Variants in PLXDC2 observed in about 807,000 individuals in gnomAD.
The protein encoded by PLXDC2 is plexin domain containing 2, also known as plexin domain-containing protein 2.
In PLXDC2, 40 loss-of-function variants were observed where a neutral mutation model predicts 68.9. The observed-to-expected ratio is 0.58, with a 90% CI of 0.45 to 0.76. The LOEUF (loss-of-function observed/expected upper bound fraction) is 0.76, where lower values mean the gene tolerates loss of function less well. Among genes scored for constraint, PLXDC2 ranks in the 30% least tolerant of loss-of-function variants. The pLI is 0.00. For missense variants in PLXDC2, 644 were observed against 661.9 expected (o/e 0.97, Z 0.30); for synonymous variants, 243 against 234.2 (o/e 1.04, Z -0.34).
chr10:19,889,867 A>G (rs1336193367), intron 1 of PLXDC2, among the ~76,000 whole-genome samples: 1 of 151,894 alleles, frequency 6.6e-6, no homozygotes, highest in Non-Finnish European at 1.5e-5. Flanking sequence ...CTTTCTCTGA[A>G]TTTTCTCACT....
At position 20,012,303 on chromosome 10, in the gene PLXDC2, C is replaced by CTCTTTTT. The variant is rs1835129350; in HGVS notation, c.324+10318_324+10319insCTTTTTT. On this transcript the variant is annotated intron_variant, in intron 2 of 13. Transcript: ENST00000377252. ...GATAAGAGTCTCTCTCTCTCTCTCT[C>CTCTTTTT]TTTTTTATTTTTTTTTTTTTTTTTT... Among the ~76,000 whole-genome samples, 91 of 65,578 alleles carry CTCTTTTT rather than the reference C, an allele frequency of 1.4e-3. 3 individuals carry two copies. The highest frequency in any genetic ancestry group is 6.5e-3 in the African/African-American group (85 of 13,150). The allele number at this position is 65,578 out of a possible 152,430, so 43.0% of individuals were successfully genotyped here. A position where few individuals can be genotyped will look rare whatever the true frequency, so the allele number is the denominator to read the frequency against.
Position 20,245,203 on chromosome 10 carries a change from T to A in PLXDC2, c.1313-142T>A. On this transcript the variant is annotated intron_variant, in intron 12 of 13. Coordinates refer to ENST00000377252, the MANE Select transcript of PLXDC2 (RefSeq NM_032812.9). The stretch of plus-strand genomic sequence containing the variant: ...TTGCCCATATGAAGAGCACGTCACC[T>A]GTAAAATTGATGTTGCAGAAAAGTT... The A allele has an allele frequency of 5.3e-6, 4 of 754,202 alleles. No homozygotes were observed. The South Asian group carries it at 8.7e-5, about 16-fold the overall frequency. 46.7% of individuals were successfully genotyped at this position (754,202 alleles called of 1,614,324 possible).
chr10:20,241,742 G>A (rs1237073111), intron 12 of PLXDC2, among the ~76,000 whole-genome samples: 1 of 152,092 alleles, frequency 6.6e-6, no homozygotes, highest in Non-Finnish European at 1.5e-5. Flanking sequence ...TCACACCACA[G>A]CACTCCAGCC....
At chr10:20,167,066 C>G (rs973809889) in intron 7 of PLXDC2, among the ~76,000 whole-genome samples, 2 of 152,020 alleles carry the variant, frequency 1.3e-5, no homozygotes, top group Non-Finnish European at 2.9e-5. Context: ...TTCTGTTAAC[C>G]TTACTGTTCC....
intron 1 of PLXDC2, among the ~76,000 whole-genome samples, chr10:19,875,341 T>C (rs930756069): frequency 6.6e-6 from 1 of 152,222 alleles, no homozygotes; most frequent in East Asian, 1.9e-4. Context: ...CTGAAGGTTG[T>C]AATGAGCATC....
At chr10:19,857,786 G>A (rs538490749) in intron 1 of PLXDC2, among the ~76,000 whole-genome samples, 1 of 152,180 alleles carries the variant, frequency 6.6e-6, no homozygotes, top group South Asian at 2.1e-4. Context: ...ATTTGTGGGA[G>A]TAGAATAATA....
intron 4 of PLXDC2, among the ~76,000 whole-genome samples, chr10:20,116,990 A>C (rs1236306804): frequency 1.3e-5 from 2 of 152,076 alleles, no homozygotes; most frequent in African/African-American, 4.8e-5. Flanking sequence ...AAAGACTGGA[A>C]GAAAAAATAT....
intron 4 of PLXDC2, among the ~76,000 whole-genome samples, chr10:20,088,009 G>A (rs1026808016): frequency 4.5e-4 from 69 of 152,062 alleles, no homozygotes; most frequent in African/African-American, 1.5e-3. Context: ...TGAAAGAAAC[G>A]GAAGGGATAA....
chr10:19,908,310 A>G (rs1045334783), intron 1 of PLXDC2, among the ~76,000 whole-genome samples: 2 of 152,194 alleles, frequency 1.3e-5, no homozygotes, highest in African/African-American at 4.8e-5. Flanking sequence ...TATGGCGGTA[A>G]TCTGCAATAT....
At chr10:20,230,336 G>T (rs1236202872) in intron 12 of PLXDC2, among the ~76,000 whole-genome samples, 2 of 152,052 alleles carry the variant, frequency 1.3e-5, no homozygotes, top group Non-Finnish European at 2.9e-5. Flanking sequence ...GCTTAAATTA[G>T]ATTTAAAGAC....
chr10:20,164,830 T>G (rs1422462521), intron 7 of PLXDC2, among the ~76,000 whole-genome samples: 1 of 152,142 alleles, frequency 6.6e-6, no homozygotes, highest in African/African-American at 2.4e-5. Flanking sequence ...TTTTTCTTTC[T>G]TTTGATTTGG....
intron 2 of PLXDC2, among the ~76,000 whole-genome samples, chr10:20,042,748 A>G (rs1037620342): frequency 2.0e-5 from 3 of 152,150 alleles, no homozygotes; most frequent in African/African-American, 7.2e-5. Flanking sequence ...GTTAGGAATG[A>G]TGTAGATCGA....
intron 7 of PLXDC2, among the ~76,000 whole-genome samples, chr10:20,174,604 A>G (rs1834500399): frequency 6.6e-6 from 1 of 152,016 alleles, no homozygotes; most frequent in Non-Finnish European, 1.5e-5. Flanking sequence ...GTGGAAAAAA[A>G]GACACAGGAA....
chr10:20,164,412 C>T, intron 6 of PLXDC2, 56 bp from the exon 7 acceptor site: 3 of 1,367,744 alleles, frequency 2.2e-6, no homozygotes, highest in Non-Finnish European at 3.1e-6. Context: ...TACTACCTTT[C>T]CTCCCTGTAT....
chr10:20,012,749 A>G lies in PLXDC2; in HGVS notation c.324+10763A>G, dbSNP rs565763843. ...ATTAAAGAAGGCATCAAGTACTCAA[A>G]TGTTCAAGAAAAGATGGTAACGTTT... On this transcript the variant is annotated intron_variant, in intron 2 of 13. Coordinates refer to ENST00000377252, the MANE Select transcript of PLXDC2 (RefSeq NM_032812.9). Among the ~76,000 whole-genome samples the G allele has an allele frequency of 2.0e-5, 3 of 152,294 alleles. No homozygotes were observed. In the East Asian group the frequency reaches 5.8e-4, roughly 29 times the overall value.
chr10:20,123,249 T>C (rs1449439901), intron 4 of PLXDC2, among the ~76,000 whole-genome samples: 1 of 151,806 alleles, frequency 6.6e-6, no homozygotes, highest in Non-Finnish European at 1.5e-5. Context: ...CAGATGGGTC[T>C]GTAGAAAAGG....
intron 4 of PLXDC2, 37 bp downstream of exon 4, chr10:20,068,276 A>G (rs1256621448): frequency 6.8e-6 from 10 of 1,480,862 alleles, no homozygotes; most frequent in South Asian, 2.3e-5. Flanking sequence ...TAAGTAATCT[A>G]TGGTTTGACT....
rs1835740323 is a variant in PLXDC2, at chr10:20,044,203, CTCTCTCTGTCTTT to C, written c.325-2665_325-2653del. Among the ~76,000 whole-genome samples the C allele has an allele frequency of 7.8e-4, 103 of 131,302 alleles. 4 individuals carry two copies. The highest frequency in any genetic ancestry group is 3.0e-3 in the African/African-American group (100 of 32,848). 86.1% of individuals were successfully genotyped at this position (131,302 alleles called of 152,430 possible). On this transcript the variant is annotated intron_variant, in intron 2 of 13. Coordinates refer to ENST00000377252, the MANE Select transcript of PLXDC2 (RefSeq NM_032812.9). ...CTTCTTTCTTTCTTTCTCTCTCTCT[CTCTCTCTGTCTTT>C]CTTTCTTTCTTTCTTTCTTTCTTTC...
intron 4 of PLXDC2, among the ~76,000 whole-genome samples, chr10:20,072,543 G>GAAAGAAAGAAAGA (rs1403678017): frequency 3.4e-5 from 2 of 58,964 alleles, no homozygotes; most frequent in African/African-American, 3.0e-4. Context: ...AAGAAAGAAA[G>GAAAGAAAGAAAGA]AAAGAAAGAA....
Sources: gnomAD v4.1 joint callset for allele counts (sites outside exome capture counted in the v4.1 genomes callset) on GRCh38, gnomAD v4.1.1 for gene constraint, MANE v1.5 for transcripts, NCBI Gene and HGNC (gene_info 2026-07-23, HGNC 2026-07-21) for gene names.